Variants in C8orf34 observed in about 807,000 individuals in gnomAD.
The protein encoded by C8orf34 is chromosome 8 open reading frame 34.
A neutral mutation model predicts 68.3 loss-of-function variants in C8orf34; 65 were observed. The ratio of observed to expected loss-of-function variants is 0.95; its 90% CI spans 0.78 to 1.17. The LOEUF (loss-of-function observed/expected upper bound fraction) is 1.17. C8orf34 is among the 50% of genes most tolerant of loss of function. The probability of loss-of-function intolerance (pLI) is 0.00; values close to 1 mark genes in which losing one functional copy is unlikely to be tolerated. For missense variants in C8orf34, 664 were observed against 655.4 expected (o/e 1.01, Z -0.14); for synonymous variants, 244 against 241.2 (o/e 1.01, Z -0.11).
intron 8 of C8orf34, among the ~76,000 whole-genome samples, chr8:68,648,684 C>T (rs969858998): frequency 2.6e-5 from 4 of 152,180 alleles, no homozygotes; most frequent in Non-Finnish European, 4.4e-5. Context: ...TTATAGAGAA[C>T]ATACACTGAT....
At chr8:68,755,828 G>T (rs964965930) in intron 10 of C8orf34, among the ~76,000 whole-genome samples, 1 of 151,934 alleles carries the variant, frequency 6.6e-6, no homozygotes, top group African/African-American at 2.4e-5. Context: ...TTGGGAGGCC[G>T]AAGCAGGTGG....
chr8:68,332,377 GCCTT>G (rs1805659691), intron 1 of C8orf34, among the ~76,000 whole-genome samples: 1 of 44,968 alleles, frequency 2.2e-5, no homozygotes, highest in Non-Finnish European at 4.3e-5. Flanking sequence ...CCTTGCCCCC[GCCTT>G]GCCCCCGCCC....
intron 9 of C8orf34, among the ~76,000 whole-genome samples, chr8:68,720,463 A>G (rs1461242705): frequency 6.6e-6 from 1 of 151,964 alleles, no homozygotes; most frequent in Non-Finnish European, 1.5e-5. Context: ...TTTATGCAAC[A>G]GAAAAATCTG....
At chr8:68,691,624 A>G (rs143993917) in intron 8 of C8orf34, among the ~76,000 whole-genome samples, 3 of 152,034 alleles carry the variant, frequency 2.0e-5, no homozygotes, top group African/African-American at 4.8e-5. Context: ...AAATACATTG[A>G]TTTTAGTTAT....
chr8:68,348,457 G>C (rs117327927), intron 1 of C8orf34, among the ~76,000 whole-genome samples: 1 of 151,886 alleles, frequency 6.6e-6, no homozygotes, highest in Non-Finnish European at 1.5e-5. Context: ...CTTGTTTATC[G>C]TTCCATATGA....
intron 1 of C8orf34, among the ~76,000 whole-genome samples, chr8:68,348,189 G>T (rs1281208158): frequency 6.6e-6 from 1 of 152,074 alleles, no homozygotes; most frequent in Non-Finnish European, 1.5e-5. Context: ...GGGCTAGCCA[G>T]TTATCCCAGT....
intron 7 of C8orf34, among the ~76,000 whole-genome samples, chr8:68,629,325 C>T (rs1217382904): frequency 1.3e-5 from 2 of 152,164 alleles, no homozygotes; most frequent in Non-Finnish European, 2.9e-5. Context: ...TTCCTGTATT[C>T]CCTAAAAGTG....
chr8:68,342,980 G>A (rs1806132324), intron 1 of C8orf34, among the ~76,000 whole-genome samples: 1 of 152,102 alleles, frequency 6.6e-6, no homozygotes, highest in African/African-American at 2.4e-5. Flanking sequence ...AAGAGGAAAA[G>A]AAGAAATTTG....
intron 12 of C8orf34, among the ~76,000 whole-genome samples, chr8:68,800,351 C>T (rs1347302773): frequency 1.3e-5 from 2 of 152,048 alleles, no homozygotes; most frequent in African/African-American, 2.4e-5. Context: ...GTACAAAAGA[C>T]TGTAGAGTAA....
intron 1 of C8orf34, among the ~76,000 whole-genome samples, chr8:68,342,788 A>G (rs1258502805): frequency 6.6e-6 from 1 of 152,104 alleles, no homozygotes; most frequent in African/African-American, 2.4e-5. Flanking sequence ...GGTACCCCTT[A>G]TTTGACTTAA....
chr8:68,791,984 A>G (rs1824007404), intron 12 of C8orf34: 1 of 152,208 alleles, frequency 6.6e-6, no homozygotes, highest in African/African-American at 2.4e-5. Context: ...TTCGGTTCAA[A>G]CTTAAACTAT....
intron 8 of C8orf34, among the ~76,000 whole-genome samples, chr8:68,705,603 G>A (rs1286864179): frequency 6.6e-6 from 1 of 152,122 alleles, no homozygotes; most frequent in Non-Finnish European, 1.5e-5. Flanking sequence ...TGAGGAGTAG[G>A]AGTGAATAAA....
intron 10 of C8orf34, among the ~76,000 whole-genome samples, chr8:68,755,775 T>C (rs1237898578): frequency 6.6e-6 from 1 of 151,624 alleles, no homozygotes; most frequent in East Asian, 1.9e-4. Context: ...AAACTAAGAG[T>C]AACTGGCCAG....
chr8:68,705,394 A>T lies in C8orf34; in HGVS notation c.1242-3600A>T, dbSNP rs139492039. ...GAGAAAGCCTTTAAAAGAGACTGAGAAATGGTAGTCAGATATGCAGGAGAG... is the reference window on the plus strand; with the variant it reads ...GAGAAAGCCTTTAAAAGAGACTGAGTAATGGTAGTCAGATATGCAGGAGAG... On this transcript the variant is annotated intron_variant, in intron 8 of 13. Transcript: ENST00000518698. Among the ~76,000 whole-genome samples the T allele has an allele frequency of 8.8e-3, 1,337 of 152,236 alleles. 21 individuals carry two copies. The highest frequency in any genetic ancestry group is 0.031 in the African/African-American group (1,276 of 41,550).
chr8:68,642,751 G>A (rs1819049587), intron 8 of C8orf34, among the ~76,000 whole-genome samples: 1 of 152,214 alleles, frequency 6.6e-6, no homozygotes, highest in Admixed American at 6.5e-5. Context: ...CCAAGGCTGT[G>A]TGTTAGATCA....
At chr8:68,394,248 C>A (rs2129620889) in intron 1 of C8orf34, among the ~76,000 whole-genome samples, 2 of 130,470 alleles carry the variant, frequency 1.5e-5, no homozygotes, top group East Asian at 2.5e-4. Flanking sequence ...CTCCCCCCAC[C>A]CCACAACAGT....
At chr8:68,439,384 T>C in intron 1 of C8orf34, 115 bp from the exon 2 acceptor site, 1 of 822,414 alleles carries the variant, frequency 1.2e-6, no homozygotes, top group Non-Finnish European at 1.8e-6. Flanking sequence ...TGGAGTTAGT[T>C]GCTGTATATA....
chr8:68,760,833 G>A (rs1205241425), intron 10 of C8orf34, among the ~76,000 whole-genome samples: 2 of 152,190 alleles, frequency 1.3e-5, no homozygotes, highest in African/African-American at 4.8e-5. Flanking sequence ...TAGGAGTCCA[G>A]TGTGTGAGTT....
chr8:68,617,315 T>A (rs1818252815), intron 7 of C8orf34, among the ~76,000 whole-genome samples: 1 of 152,220 alleles, frequency 6.6e-6, no homozygotes, highest in Admixed American at 6.5e-5. Context: ...TGTGTGAATT[T>A]GATCATGTCA....
Sources: allele counts gnomAD v4.1 joint callset (sites outside exome capture counted in the v4.1 genomes callset), GRCh38; gene constraint gnomAD v4.1.1; transcripts MANE v1.5; gene names NCBI Gene and HGNC (gene_info 2026-07-23, HGNC 2026-07-21).